The following CAMTA1 variants were observed in gnomAD, a reference collection of about 807,000 sequenced individuals.
CAMTA1 encodes calmodulin-binding transcription activator 1.
A neutral mutation model predicts 170.9 loss-of-function variants in CAMTA1; 27 were observed. The observed-to-expected ratio is 0.16, with a 90% CI of 0.12 to 0.22. CAMTA1 has a LOEUF of 0.22. Ranked by LOEUF, CAMTA1 falls within the 10% of genes least tolerant of loss-of-function variation. CAMTA1 has a pLI of 1.00. For synonymous variants in CAMTA1, 833 were observed against 891.5 expected (o/e 0.93, Z 1.17); for missense variants, 1,619 against 2,217.2 (o/e 0.73, Z 5.42).
At chr1:7,324,762 G>A (rs1253710546) in intron 5 of CAMTA1, among the ~76,000 whole-genome samples, 10 of 149,350 alleles carry the variant, frequency 6.7e-5, no homozygotes, top group African/African-American at 1.2e-4. Context: ...ACCCGAGATC[G>A]CGCCACTGCA....
chr1:7,109,316 G>A (rs748259414), intron 4 of CAMTA1, among the ~76,000 whole-genome samples: 5 of 152,282 alleles, frequency 3.3e-5, no homozygotes, highest in Middle Eastern at 3.4e-3. Flanking sequence ...TGCATTACAC[G>A]AAAGCACTGA....
intron 6 of CAMTA1, among the ~76,000 whole-genome samples, chr1:7,492,654 AACACAAACATACGAACACACAC>A (rs1382096839): frequency 8.7e-6 from 1 of 114,488 alleles, no homozygotes; most frequent in Non-Finnish European, 1.7e-5. Context: ...CAATCACACA[AACACAAACATACGAACACACAC>A]ACACAAACAC....
At chr1:7,734,718 T>C (rs2096758562) in intron 12 of CAMTA1, among the ~76,000 whole-genome samples, 1 of 152,172 alleles carries the variant, frequency 6.6e-6, no homozygotes, top group Non-Finnish European at 1.5e-5. Flanking sequence ...GAGGCTGAGA[T>C]AACAATCCCA....
rs895257002 is a variant in CAMTA1, at chr1:7,128,079, T to A, written c.302+36708T>A. Reference sequence around the variant, plus strand: ...ACATGACCCCCAGCAGAGCCCTGGGTGCCGAGTCTCTGATGAGCTTCCCTG... The same window carrying A: ...ACATGACCCCCAGCAGAGCCCTGGGAGCCGAGTCTCTGATGAGCTTCCCTG... On this transcript the variant is annotated intron_variant, in intron 4 of 22. Coordinates refer to ENST00000303635, the MANE Select transcript of CAMTA1 (RefSeq NM_015215.4). Among the ~76,000 whole-genome samples the A allele has an allele frequency of 2.0e-5, 3 of 152,162 alleles. No individual in the cohort carries two copies. The South Asian group carries it at 6.2e-4, about 32-fold the overall frequency.
chr1:7,730,340 G>A (rs564588308), intron 11 of CAMTA1, among the ~76,000 whole-genome samples: 44 of 152,252 alleles, frequency 2.9e-4, no homozygotes, highest in Non-Finnish European at 4.3e-4. Flanking sequence ...CCAGCCACAC[G>A]GTCTTCTGCT....
intron 3 of CAMTA1, among the ~76,000 whole-genome samples, chr1:7,017,235 C>T (rs771465836): frequency 2.6e-5 from 4 of 152,204 alleles, no homozygotes; most frequent in Non-Finnish European, 4.4e-5. Context: ...CTCTGATGGG[C>T]CTTGCTGTGT....
At position 7,732,615 on chromosome 1, in the gene CAMTA1, G is replaced by C; in HGVS notation, c.3066+16G>C. ...CCAGGCACAGGTACGAGGCGGTGCTGATGCTCAGCTCCCATTTCGCTTCAT... is the reference window on the plus strand; with the variant it reads ...CCAGGCACAGGTACGAGGCGGTGCTCATGCTCAGCTCCCATTTCGCTTCAT... On this transcript the variant is annotated intron_variant, in intron 12 of 22. Coordinates refer to ENST00000303635, the MANE Select transcript of CAMTA1 (RefSeq NM_015215.4). The surrounding 1 kb of genome is among the most constrained non-coding windows in gnomAD (Gnocchi z 4.1). 6.4e-7 allele frequency: 1 copy of C among 1,574,072 alleles called. No individual in the cohort carries two copies. Among genetic ancestry groups the C allele is most frequent in the Non-Finnish European group, 8.6e-7 (1 of 1,160,176 alleles).
chr1:7,655,040 C>A (rs1348356284), intron 7 of CAMTA1, among the ~76,000 whole-genome samples: 1 of 129,064 alleles, frequency 7.7e-6, no homozygotes, highest in East Asian at 2.5e-4. Context: ...ACACACCCAC[C>A]TATACACACA....
At chr1:7,679,030 T>C (rs6687002) in intron 11 of CAMTA1, among the ~76,000 whole-genome samples, 35,671 of 152,020 alleles carry the variant, frequency 0.23, 4,308 homozygotes, top group South Asian at 0.32. Flanking sequence ...TTCCCTGGGG[T>C]GGCTTTGGGT....
chr1:6,952,649 A>G (rs541600340), intron 3 of CAMTA1, among the ~76,000 whole-genome samples: 13 of 152,066 alleles, frequency 8.5e-5, no homozygotes, highest in African/African-American at 3.1e-4. Context: ...CCTGGCCAAC[A>G]TGGCGAAACC....
At chr1:6,869,249 G>T (rs889664727) in intron 3 of CAMTA1, among the ~76,000 whole-genome samples, 1 of 152,164 alleles carries the variant, frequency 6.6e-6, no homozygotes, top group Non-Finnish European at 1.5e-5. Flanking sequence ...CTGGGAGTGG[G>T]GCAGGAAGAC....
intron 6 of CAMTA1, among the ~76,000 whole-genome samples, chr1:7,601,464 G>T (rs952760806): frequency 6.6e-6 from 1 of 151,852 alleles, no homozygotes; most frequent in Non-Finnish European, 1.5e-5. Flanking sequence ...AGACTGGGCA[G>T]CCAGGCAGAG....
intron 4 of CAMTA1, among the ~76,000 whole-genome samples, chr1:7,108,521 C>T (rs527403321): frequency 3.3e-5 from 5 of 152,172 alleles, no homozygotes; most frequent in South Asian, 2.1e-4. Context: ...ACATCATCCT[C>T]GACTACCAGA....
intron 5 of CAMTA1, among the ~76,000 whole-genome samples, chr1:7,382,983 A>G (rs2087513960): frequency 6.6e-6 from 1 of 152,220 alleles, no homozygotes; most frequent in Non-Finnish European, 1.5e-5. Context: ...AGCAACTAGT[A>G]TGTGCCAGGC....
chr1:6,940,711 C>T (rs984485854), intron 3 of CAMTA1, among the ~76,000 whole-genome samples: 7 of 152,038 alleles, frequency 4.6e-5, no homozygotes, highest in Admixed American at 6.6e-5. Context: ...GCAATAGAAA[C>T]GAGGGCCTCA....
intron 5 of CAMTA1, among the ~76,000 whole-genome samples, chr1:7,323,355 C>A (rs1038575144): frequency 6.6e-6 from 1 of 151,888 alleles, no homozygotes; most frequent in Non-Finnish European, 1.5e-5. Flanking sequence ...TCCAGATATC[C>A]ATGTGGCTTG....
At chr1:7,522,966 A>G (rs1750820) in intron 6 of CAMTA1, among the ~76,000 whole-genome samples, 117,890 of 152,172 alleles carry the variant, frequency 0.77, 45,968 homozygotes, top group African/African-American at 0.86. Flanking sequence ...TCCTGGATTC[A>G]AGTGATTCTC....
chr1:7,001,227 T>C (rs1291075621), intron 3 of CAMTA1, among the ~76,000 whole-genome samples: 2 of 152,196 alleles, frequency 1.3e-5, no homozygotes, highest in Non-Finnish European at 2.9e-5. Context: ...TCACCAACTC[T>C]ATAAACTCCA....
At chr1:7,358,778 A>G (rs2085325354) in intron 5 of CAMTA1, among the ~76,000 whole-genome samples, 1 of 152,108 alleles carries the variant, frequency 6.6e-6, no homozygotes, top group African/African-American at 2.4e-5. Context: ...CTGTTTCCAG[A>G]CCTAATGAGG....
Sources: gnomAD v4.1 joint callset for allele counts (sites outside exome capture counted in the v4.1 genomes callset) on GRCh38, gnomAD v4.1.1 for gene constraint, Gnocchi (gnomAD v3.1) non-coding constraint, MANE v1.5 for transcripts, NCBI Gene and HGNC (gene_info 2026-07-23, HGNC 2026-07-21) for gene names.